The following CHST8 variants were observed in gnomAD, a reference collection of about 807,000 sequenced individuals.
CHST8 encodes carbohydrate sulfotransferase 8, also known as GALNAC-4-ST1.
In CHST8, 10 loss-of-function variants were observed where a neutral mutation model predicts 15.0. The observed-to-expected ratio is 0.67, with a 90% CI of 0.41 to 1.13. The LOEUF is 1.13. Among genes scored for constraint, CHST8 ranks in the 50% most tolerant of loss-of-function variants. CHST8 has a pLI of 0.00. For missense variants in CHST8, 634 were observed against 608.2 expected, an observed-to-expected ratio of 1.04 and a Z score of -0.45; for synonymous variants, 259 against 256.6, an observed-to-expected ratio of 1.01 and a Z score of -0.09.
chr19:33,766,186 C>T (rs979535409), intron 3 of CHST8, among the ~76,000 whole-genome samples: 1 of 151,916 alleles, frequency 6.6e-6, no homozygotes, highest in Non-Finnish European at 1.5e-5. Flanking sequence ...CCCTGTCTCG[C>T]TTCCCTCTCT....
chr19:33,644,518 C>T (rs1600232861), intron 1 of CHST8, among the ~76,000 whole-genome samples: 4 of 151,776 alleles, frequency 2.6e-5, no homozygotes, highest in East Asian at 1.9e-4. Flanking sequence ...GAGGATCCCT[C>T]GAGGCCAGGA....
At chr19:33,736,025 C>T (rs190729738) in intron 3 of CHST8, among the ~76,000 whole-genome samples, 4 of 152,310 alleles carry the variant, frequency 2.6e-5, no homozygotes, top group African/African-American at 7.2e-5. Context: ...TTCAGCCCAA[C>T]GATGCTAAGA....
chr19:33,717,306 CA>C (rs2145303577), intron 3 of CHST8, among the ~76,000 whole-genome samples: 1 of 152,040 alleles, frequency 6.6e-6, no homozygotes, highest in South Asian at 2.1e-4. Context: ...AATAAAAATA[CA>C]AAAATTAGCC....
chr19:33,704,377 GGA>G (rs1243773491), intron 3 of CHST8, among the ~76,000 whole-genome samples: 3 of 151,288 alleles, frequency 2.0e-5, no homozygotes, highest in African/African-American at 7.4e-5. Context: ...AGGGGAATGA[GGA>G]GATGTCCATG....
chr19:33,653,304 G>C (rs539917499), intron 1 of CHST8, among the ~76,000 whole-genome samples: 6 of 152,254 alleles, frequency 3.9e-5, no homozygotes, highest in Admixed American at 3.9e-4. Context: ...CTTATTCATT[G>C]TTTTTGGGTC....
At chr19:33,742,987 C>T (rs540176678) in intron 3 of CHST8, among the ~76,000 whole-genome samples, 3 of 152,314 alleles carry the variant, frequency 2.0e-5, no homozygotes, top group East Asian at 1.9e-4. Context: ...AGGAGAGGCA[C>T]TGCTGGGCTT....
Position 33,765,053 on chromosome 19 carries a change from CAT to C in CHST8, c.131-6341_131-6340del, listed in dbSNP as rs72103213. On this transcript the variant is annotated intron_variant, in intron 3 of 4. Transcript: ENST00000650847. ...TTTTTATGGCTAAGTACTATTCCAT[CAT>C]ATATATATATATATATATCAGAGTT... 2.1e-3 allele frequency among the ~76,000 whole-genome samples: 179 copies of C among 87,268 alleles called. 18 individuals are homozygous for C. The highest frequency in any genetic ancestry group is 6.2e-3 in the African/African-American group (103 of 16,626). The allele number at this position is 87,268 out of a possible 152,430, so 57.3% of individuals were successfully genotyped here.
chr19:33,738,585 G>A (rs944208853), intron 3 of CHST8, among the ~76,000 whole-genome samples: 3 of 152,080 alleles, frequency 2.0e-5, no homozygotes, highest in South Asian at 4.2e-4. Context: ...GAGAGTGCAA[G>A]TTTTTTCTTT....
intron 1 of CHST8, among the ~76,000 whole-genome samples, chr19:33,649,620 C>T (rs1972408218): frequency 6.6e-6 from 1 of 152,166 alleles, no homozygotes; most frequent in African/African-American, 2.4e-5. Flanking sequence ...ACATGCGTCC[C>T]ATGTTTACCT....
intron 3 of CHST8, among the ~76,000 whole-genome samples, chr19:33,736,546 C>A (rs960821158): frequency 3.3e-5 from 5 of 152,170 alleles, no homozygotes; most frequent in South Asian, 2.1e-4. Flanking sequence ...GATGCATAGC[C>A]TGGTGCCTGC....
intron 3 of CHST8, among the ~76,000 whole-genome samples, chr19:33,736,639 C>T (rs1264773281): frequency 6.6e-6 from 1 of 151,740 alleles, no homozygotes; most frequent in Non-Finnish European, 1.5e-5. Flanking sequence ...GGGGAGGTCT[C>T]ATGTGTCAGG....
At chr19:33,692,668 C>A (rs1973120509) in intron 3 of CHST8, among the ~76,000 whole-genome samples, 1 of 152,210 alleles carries the variant, frequency 6.6e-6, no homozygotes, top group Admixed American at 6.5e-5. Context: ...CCACTGCGCT[C>A]CAGCCTGGGT....
At chr19:33,771,920 C>T in intron 4 of CHST8, 37 bp from the exon 5 acceptor site, 2 of 1,524,818 alleles carry the variant, frequency 1.3e-6, no homozygotes, top group Non-Finnish European at 1.8e-6. Flanking sequence ...CCCAGCTGTC[C>T]TTTCCACTCA....
intron 3 of CHST8, among the ~76,000 whole-genome samples, chr19:33,693,534 CT>C (rs1973140900): frequency 6.6e-6 from 1 of 152,184 alleles, no homozygotes; most frequent in African/African-American, 2.4e-5. Flanking sequence ...GTGGATGAGT[CT>C]TTTAAGTCTC....
At chr19:33,760,269 T>TTCTTC (rs1568360380) in intron 3 of CHST8, among the ~76,000 whole-genome samples, 419 of 14,798 alleles carry the variant, frequency 0.028, 186 homozygotes, top group African/African-American at 0.076. Context: ...TGGTTGCCCT[T>TTCTTC]CCTTCCTTCC....
chr19:33,765,513 T>TTGTGTGTG lies in CHST8; in HGVS notation c.131-5866_131-5859dup, dbSNP rs61673440. Reference sequence around the variant, plus strand: ...ACAGGGTTTAGACAAATGCCAGTCTTTGTGTGTGTGTGTGTGTGTGTGTGT... The same window carrying TTGTGTGTG: ...ACAGGGTTTAGACAAATGCCAGTCTTTGTGTGTGTGTGTGTGTGTGTGTGTGTGTGTGT... On this transcript the variant is annotated intron_variant, in intron 3 of 4. Coordinates refer to ENST00000650847, the MANE Select transcript of CHST8 (RefSeq NM_001127895.2). Among the ~76,000 whole-genome samples, 542 of 131,636 alleles carry TTGTGTGTG rather than the reference T, an allele frequency of 4.1e-3. 4 individuals are homozygous for TTGTGTGTG. Among genetic ancestry groups the TTGTGTGTG allele is most frequent in the African/African-American group, 0.013 (431 of 33,650 alleles). 86.4% of individuals were successfully genotyped at this position (131,636 alleles called of 152,430 possible).
At chr19:33,701,460 A>G (rs771137080) in intron 3 of CHST8, among the ~76,000 whole-genome samples, 1 of 152,244 alleles carries the variant, frequency 6.6e-6, no homozygotes, top group Non-Finnish European at 1.5e-5. Context: ...CTGAAAATTG[A>G]TATTAATAGA....
chr19:33,762,588 G>A (rs1277724284), intron 3 of CHST8, among the ~76,000 whole-genome samples: 3 of 152,236 alleles, frequency 2.0e-5, no homozygotes, highest in Non-Finnish European at 2.9e-5. Flanking sequence ...GTGTCGCTGC[G>A]CTGGGGGCAG....
intron 3 of CHST8, among the ~76,000 whole-genome samples, chr19:33,691,016 T>G (rs1973091494): frequency 6.6e-6 from 1 of 152,156 alleles, no homozygotes. Context: ...GGCATGAGTG[T>G]GCCTGTGATG....
Sources: gnomAD v4.1 joint callset for allele counts (sites outside exome capture counted in the v4.1 genomes callset) on GRCh38, gnomAD v4.1.1 for gene constraint, MANE v1.5 for transcripts, NCBI Gene and HGNC (gene_info 2026-07-23, HGNC 2026-07-21) for gene names.